CDK17: variants seen among roughly 807,000 people sequenced by gnomAD.
The protein encoded by CDK17 is cyclin dependent kinase 17, also known as cyclin-dependent kinase 17.
Under a neutral mutation model 77.6 loss-of-function variants are expected in CDK17, and 24 were observed. The ratio of observed to expected loss-of-function variants is 0.31; its 90% confidence interval spans 0.22 to 0.44. CDK17 has a LOEUF of 0.44. Ranked by LOEUF, CDK17 falls within the 20% of genes least tolerant of loss-of-function variation. The pLI is 1.00. For synonymous variants in CDK17, 203 were observed against 210.4 expected (o/e 0.96, Z 0.30); for missense variants, 429 against 622.5 (o/e 0.69, Z 3.31).
chr12:96,296,538 G>A (rs967034423), intron 9 of CDK17, among the ~76,000 whole-genome samples: 1 of 152,144 alleles, frequency 6.6e-6, no homozygotes, highest in Non-Finnish European at 1.5e-5. Context: ...AGAAATGTCT[G>A]AAGCACACAG....
intron 1 of CDK17, among the ~76,000 whole-genome samples, chr12:96,382,679 GTTCCTGGGGT>G (rs1953903122): frequency 6.6e-6 from 1 of 152,164 alleles, no homozygotes; most frequent in Non-Finnish European, 1.5e-5. Context: ...AGTAAGCTTT[GTTCCTGGGGT>G]GCAAGGTTGC....
chr12:96,316,670 C>T (rs1453634799), intron 3 of CDK17, among the ~76,000 whole-genome samples: 6 of 129,338 alleles, frequency 4.6e-5, no homozygotes, highest in Non-Finnish European at 8.3e-5. Context: ...AGCAGCCTAA[C>T]TGTGAGGCAC....
intron 9 of CDK17, among the ~76,000 whole-genome samples, chr12:96,296,362 C>G (rs1952405688): frequency 6.6e-6 from 1 of 152,178 alleles, no homozygotes; most frequent in East Asian, 1.9e-4. Flanking sequence ...ACAACCCTGA[C>G]AGAATATATA....
chr12:96,356,684 G>C (rs1482137794), intron 1 of CDK17, among the ~76,000 whole-genome samples: 2 of 152,148 alleles, frequency 1.3e-5, no homozygotes, highest in African/African-American at 2.4e-5. Flanking sequence ...AGTTCAGTAA[G>C]AACTTAGACA....
intron 1 of CDK17, among the ~76,000 whole-genome samples, chr12:96,338,123 A>G (rs1240395785): frequency 1.3e-5 from 2 of 152,222 alleles, no homozygotes; most frequent in African/African-American, 4.8e-5. Context: ...CTGAGTAACT[A>G]AAGTCAGTCA....
At chr12:96,387,216 TG>T (rs1230246141) in intron 1 of CDK17, 4 of 249,526 alleles carry the variant, frequency 1.6e-5, no homozygotes, top group South Asian at 1.2e-4. Context: ...CGTCATTCCT[TG>T]GGTCCAATAG....
intron 3 of CDK17, among the ~76,000 whole-genome samples, chr12:96,318,915 C>G (rs1414425594): frequency 1.7e-5 from 2 of 120,608 alleles, no homozygotes; most frequent in African/African-American, 3.2e-5. Flanking sequence ...CAAACACATT[C>G]AAAAGCTAGC....
intron 1 of CDK17, among the ~76,000 whole-genome samples, chr12:96,336,525 A>G (rs971285198): frequency 2.0e-5 from 3 of 152,242 alleles, no homozygotes; most frequent in Non-Finnish European, 4.4e-5. Context: ...AAAAAATACT[A>G]AATACACATT....
At position 96,289,024 on chromosome 12, in the gene CDK17, C is replaced by T. The variant is rs971268937; in HGVS notation, c.1118+143G>A. 9 of 750,562 alleles carry T rather than the reference C, an allele frequency of 1.2e-5. No homozygotes were observed. In the Admixed American group the frequency reaches 2.6e-4, roughly 21 times the overall value. The allele number at this position is 750,562 out of a possible 1,614,324, so 46.5% of individuals were successfully genotyped here. On this transcript the variant is annotated intron_variant, in intron 11 of 16. Transcript: ENST00000261211. ...ATTTAAACCTAGGTAATCTAATTCC[C>T]ATGCCAGAACTCATTAATCACTGTT...
At chr12:96,350,117 A>G (rs530602010) in intron 1 of CDK17, among the ~76,000 whole-genome samples, 1 of 152,366 alleles carries the variant, frequency 6.6e-6, no homozygotes, top group African/African-American at 2.4e-5. Flanking sequence ...GAATAAAATT[A>G]AAGAAACCTA....
Position 96,289,154 on chromosome 12 carries a change from T to A in CDK17, c.1118+13A>T. The stretch of plus-strand genomic sequence containing the variant: ...CAAAATTATAAATGTCAGTGACATC[T>A]GTATATATTTACCACATGTCAATCT... On this transcript the variant is annotated intron_variant, in intron 11 of 16. Coordinates refer to ENST00000261211, the MANE Select transcript of CDK17 (RefSeq NM_002595.5). 3 of 1,613,350 alleles carry A rather than the reference T, an allele frequency of 1.9e-6. No homozygotes were observed. The highest frequency in any genetic ancestry group is 2.5e-6 in the Non-Finnish European group (3 of 1,179,326).
chr12:96,362,251 C>T (rs190049604), intron 1 of CDK17, among the ~76,000 whole-genome samples: 7 of 151,756 alleles, frequency 4.6e-5, no homozygotes, highest in African/African-American at 1.7e-4. Flanking sequence ...GACAGAGTAT[C>T]ACTGTCACTC....
intron 1 of CDK17, among the ~76,000 whole-genome samples, chr12:96,381,801 C>A (rs1953888037): frequency 6.7e-6 from 1 of 150,338 alleles, no homozygotes; most frequent in South Asian, 2.1e-4. Flanking sequence ...TTGATAAAAA[C>A]CAAATATCAG....
intron 1 of CDK17, among the ~76,000 whole-genome samples, chr12:96,380,575 C>T (rs952233072): frequency 6.6e-6 from 1 of 152,200 alleles, no homozygotes; most frequent in Non-Finnish European, 1.5e-5. Context: ...AGGCGTGAGA[C>T]ACTGTGCCCG....
chr12:96,364,567 GGC>G (rs1953552873), intron 1 of CDK17, among the ~76,000 whole-genome samples: 1 of 151,924 alleles, frequency 6.6e-6, no homozygotes, highest in African/African-American at 2.4e-5. Context: ...TCAATCATTT[GGC>G]TGTGTTCTGT....
intron 1 of CDK17, among the ~76,000 whole-genome samples, chr12:96,372,011 T>TGTG (rs1953703159): frequency 5.1e-3 from 47 of 9,168 alleles, no homozygotes; most frequent in Middle Eastern, 0.11. Flanking sequence ...GAGTGTGTGT[T>TGTG]TGTGTGTGTG....
intron 1 of CDK17, among the ~76,000 whole-genome samples, chr12:96,343,335 C>T (rs1214048127): frequency 6.6e-6 from 1 of 152,228 alleles, no homozygotes; most frequent in Non-Finnish European, 1.5e-5. Context: ...CATTTCTCAG[C>T]TTTGCCACAA....
intron 5 of CDK17, among the ~76,000 whole-genome samples, chr12:96,304,996 A>G (rs1437898606): frequency 6.6e-6 from 1 of 152,228 alleles, no homozygotes; most frequent in African/African-American, 2.4e-5. Flanking sequence ...TGAATACAAT[A>G]AGACAAATTT....
At position 96,370,509 on chromosome 12, in the gene CDK17, A is replaced by G. The variant is rs144762705; in HGVS notation, c.-30+29477T>C. On this transcript the variant is annotated intron_variant, in intron 1 of 16. Transcript: ENST00000261211. ...TCAGAGCAAGATCAAAAGTAGGATA[A>G]GCAACCCACTTCATTTTGCTCTAAA... Among the ~76,000 whole-genome samples the G allele has an allele frequency of 4.0e-3, 605 of 152,348 alleles. 2 individuals carry two copies. Among genetic ancestry groups the G allele is most frequent in the African/African-American group, 0.014 (588 of 41,582 alleles).
Sources: allele counts gnomAD v4.1 joint callset (sites outside exome capture counted in the v4.1 genomes callset), GRCh38; gene constraint gnomAD v4.1.1; transcripts MANE v1.5; gene names NCBI Gene and HGNC (gene_info 2026-07-23, HGNC 2026-07-21).